Variants in THSD7B observed in about 807,000 individuals in gnomAD.
THSD7B encodes thrombospondin type 1 domain containing 7B.
Under a neutral mutation model 213.6 loss-of-function variants are expected in THSD7B, and 138 were observed. That is an observed-to-expected ratio of 0.65 (90% CI 0.56 to 0.74). THSD7B has a LOEUF of 0.74. THSD7B is among the 30% of genes least tolerant of loss of function. THSD7B has a pLI of 0.00. For missense variants in THSD7B, 1,931 were observed against 1,991.5 expected (o/e 0.97, Z 0.58); for synonymous variants, 742 against 687.0 (o/e 1.08, Z -1.25).
intron 2 of THSD7B, among the ~76,000 whole-genome samples, chr2:136,962,436 A>G (rs1409555453): frequency 1.6e-5 from 2 of 123,560 alleles, no homozygotes; most frequent in Admixed American, 1.9e-4. Flanking sequence ...TTTACAATAT[A>G]TGGCAATAAA....
At chr2:136,973,591 A>G (rs1341661502) in intron 2 of THSD7B, among the ~76,000 whole-genome samples, 1 of 152,312 alleles carries the variant, frequency 6.6e-6, no homozygotes, top group East Asian at 1.9e-4. Flanking sequence ...TACCAATAGA[A>G]AAGTGCATTC....
intron 17 of THSD7B, among the ~76,000 whole-genome samples, chr2:137,588,381 G>A (rs1681788372): frequency 6.6e-6 from 1 of 151,918 alleles, no homozygotes; most frequent in Non-Finnish European, 1.5e-5. Flanking sequence ...GATGAACCCG[G>A]TACCTCAGTT....
At chr2:137,495,884 C>A (rs912341149) in intron 15 of THSD7B, among the ~76,000 whole-genome samples, 9 of 152,124 alleles carry the variant, frequency 5.9e-5, no homozygotes, top group Non-Finnish European at 4.4e-5. Flanking sequence ...GTTCTACCCC[C>A]CTGGCAAGCC....
intron 7 of THSD7B, among the ~76,000 whole-genome samples, chr2:137,197,729 G>A (rs551809428): frequency 2.6e-4 from 39 of 152,268 alleles, no homozygotes; most frequent in African/African-American, 7.7e-4. Flanking sequence ...GGAACATCAC[G>A]GAAGCAGCAT....
intron 15 of THSD7B, among the ~76,000 whole-genome samples, chr2:137,549,308 C>CTTTTTTTTTTTTTTTT (rs1680797969): frequency 1.0e-5 from 1 of 100,178 alleles, no homozygotes; most frequent in Admixed American, 1.1e-4. Flanking sequence ...TTTTCAGATG[C>CTTTTTTTTTTTTTTTT]TCTTTTTTTT....
At chr2:136,959,711 A>C (rs1685185601) in intron 2 of THSD7B, among the ~76,000 whole-genome samples, 2 of 152,244 alleles carry the variant, frequency 1.3e-5, no homozygotes, top group South Asian at 4.1e-4. Context: ...TAGATTGCAA[A>C]GGGGCCGATA....
At chr2:136,860,016 A>ATT (rs3084113) in intron 1 of THSD7B, among the ~76,000 whole-genome samples, 17,472 of 120,326 alleles carry the variant, frequency 0.15, 2,371 homozygotes, top group Non-Finnish European at 0.21. Context: ...ACAATTCATG[A>ATT]TTTTTTTTTT....
chr2:137,126,406 T>G (rs193023715), intron 5 of THSD7B, among the ~76,000 whole-genome samples: 1 of 152,224 alleles, frequency 6.6e-6, no homozygotes, highest in Admixed American at 6.5e-5. Context: ...AGATAGCTCC[T>G]TTTTAAACCT....
intron 12 of THSD7B, among the ~76,000 whole-genome samples, chr2:137,357,926 T>C (rs1685170641): frequency 6.6e-6 from 1 of 152,228 alleles, no homozygotes; most frequent in African/African-American, 2.4e-5. Flanking sequence ...GTATTTCCAA[T>C]AGTCCCCTTC....
Position 137,233,104 on chromosome 2 carries a change from G to A in THSD7B, c.2121G>A (p.Lys707=), listed in dbSNP as rs772063125. ...GIQTRRVFCV[K]SHVGQVMTKR... is the part of the protein sequence containing the mutation. ...AGACTCGGAGAGTCTTCTGTGTCAA[G>A]AGTCACGTGGGACAAGTAATGACCA... The change falls in exon 9 of 28, where the codon AAG becomes AAA. Residue 707 remains lysine (K), a synonymous_variant. Coordinates refer to ENST00000409968, the MANE Select transcript of THSD7B (RefSeq NM_001316349.2). The A allele has an allele frequency of 1.9e-6, 3 of 1,613,666 alleles. No homozygotes were observed. The highest frequency in any genetic ancestry group is 1.7e-5 in the Admixed American group (1 of 59,932).
intron 12 of THSD7B, among the ~76,000 whole-genome samples, chr2:137,284,543 A>G (rs1488054565): frequency 2.6e-5 from 4 of 152,092 alleles, no homozygotes; most frequent in Admixed American, 2.6e-4. Context: ...ATTTAGTGCT[A>G]TAAATTTCCC....
At chr2:136,974,620 T>G (rs1398539906) in intron 2 of THSD7B, among the ~76,000 whole-genome samples, 1 of 152,172 alleles carries the variant, frequency 6.6e-6, no homozygotes, top group African/African-American at 2.4e-5. Flanking sequence ...ATGGGGTGAT[T>G]CCATGTCTTT....
At chr2:137,435,091 C>T (rs1318825312) in intron 14 of THSD7B, among the ~76,000 whole-genome samples, 2 of 152,176 alleles carry the variant, frequency 1.3e-5, no homozygotes, top group East Asian at 1.9e-4. Flanking sequence ...CCAGCCCCTT[C>T]CCCTCATATC....
chr2:137,317,068 C>G (rs140182823), intron 12 of THSD7B, among the ~76,000 whole-genome samples: 3 of 152,158 alleles, frequency 2.0e-5, no homozygotes, highest in African/African-American at 4.8e-5. Flanking sequence ...CAGCATTAAA[C>G]TGATCCATGA....
At chr2:137,421,467 G>A (rs1174113450) in intron 14 of THSD7B, among the ~76,000 whole-genome samples, 1 of 152,134 alleles carries the variant, frequency 6.6e-6, no homozygotes, top group East Asian at 1.9e-4. Context: ...AAGGGAAATA[G>A]TTACTTACAT....
chr2:136,775,804 T>C (rs1681591631), intron 1 of THSD7B, among the ~76,000 whole-genome samples: 1 of 152,144 alleles, frequency 6.6e-6, no homozygotes. Context: ...GCATAGAATA[T>C]GCTGCATTGC....
At chr2:137,546,478 A>ATATATATT (rs1491402224) in intron 15 of THSD7B, among the ~76,000 whole-genome samples, 1 of 55,640 alleles carries the variant, frequency 1.8e-5, no homozygotes, top group African/African-American at 8.9e-5. Context: ...ATATATATAT[A>ATATATATT]ATATATATAT....
At chr2:137,600,710 T>C (rs1257559468) in intron 17 of THSD7B, among the ~76,000 whole-genome samples, 2 of 152,104 alleles carry the variant, frequency 1.3e-5, no homozygotes, top group African/African-American at 2.4e-5. Flanking sequence ...TGCACTCCAG[T>C]GTGGGCAACA....
At chr2:137,146,521 G>T (rs1324702807) in intron 5 of THSD7B, among the ~76,000 whole-genome samples, 1 of 152,044 alleles carries the variant, frequency 6.6e-6, no homozygotes, top group Non-Finnish European at 1.5e-5. Context: ...GATACTAGTA[G>T]TACTCATCTC....
Sources: allele counts gnomAD v4.1 joint callset (sites outside exome capture counted in the v4.1 genomes callset), GRCh38; gene constraint gnomAD v4.1.1; transcripts MANE v1.5; gene names NCBI Gene and HGNC (gene_info 2026-07-23, HGNC 2026-07-21).